Variants in SOX5 observed in about 807,000 individuals in gnomAD.
SOX5 encodes the protein transcription factor SOX-5.
SOX5 carries 9 observed loss-of-function variants against 92.0 expected under a neutral mutation model. The observed-to-expected ratio is 0.10, with a 90% CI of 0.06 to 0.17. The LOEUF (loss-of-function observed/expected upper bound fraction) is 0.17, where lower values mean the gene tolerates loss of function less well. SOX5 is among the 10% of genes least tolerant of loss of function. The pLI is 1.00. For synonymous variants in SOX5, 344 were observed against 336.3 expected (o/e 1.02, Z -0.25); for missense variants, 642 against 944.5 (o/e 0.68, Z 4.20).
chr12:24,356,055 A>G (rs960201820), intron 2 of SOX5, among the ~76,000 whole-genome samples: 4 of 152,348 alleles, frequency 2.6e-5, no homozygotes, highest in Admixed American at 1.3e-4. Context: ...TTTCACATAA[A>G]AGTGGACATT....
intron 4 of SOX5, among the ~76,000 whole-genome samples, chr12:23,748,830 G>GTA (rs2094088100): frequency 6.6e-6 from 1 of 151,852 alleles, no homozygotes; most frequent in African/African-American, 2.4e-5. Flanking sequence ...ATCATTCATT[G>GTA]TATTGCCTTT....
intron 4 of SOX5, among the ~76,000 whole-genome samples, chr12:24,145,536 G>T (rs1440261908): frequency 2.6e-5 from 4 of 152,034 alleles, no homozygotes; most frequent in Admixed American, 2.6e-4. Flanking sequence ...TCACTCTATT[G>T]CCCGGGCTGA....
chr12:23,827,435 A>T (rs1568114440), intron 3 of SOX5, among the ~76,000 whole-genome samples: 1 of 152,242 alleles, frequency 6.6e-6, no homozygotes, highest in Non-Finnish European at 1.5e-5. Context: ...ACCCCTTTGC[A>T]GAACTGTCAA....
At chr12:24,357,809 C>G (rs1257534320) in intron 2 of SOX5, among the ~76,000 whole-genome samples, 1 of 146,518 alleles carries the variant, frequency 6.8e-6, no homozygotes, top group Non-Finnish European at 1.5e-5. Context: ...CGACTGCACT[C>G]CAGCCTGGGT....
Position 23,543,238 on chromosome 12 carries a change from G to T in SOX5, c.1744C>A (p.His582Asn). The change falls in exon 13 of 15, where the codon CAC (histidine) becomes AAC (asparagine). Residue 582 changes from histidine (H) to asparagine (N), a missense_variant. His to Asn is a moderately conservative substitution (Grantham distance 68). This residue lies in a region of SOX5 where 24 missense variants were observed against 84.4 expected (regional missense o/e 0.28). Coordinates refer to ENST00000451604, the MANE Select transcript of SOX5 (RefSeq NM_006940.6). ...AATATCTTGCTGATGTTGGAGTTGT[G>T]CATGTCAGGAAAGGCTTGAAGGATC... ...RKILQAFPDM[H>N]NSNISKILGS... 1 of 1,613,558 alleles carries T rather than the reference G, an allele frequency of 6.2e-7. No homozygotes were observed. The highest frequency in any genetic ancestry group is 8.5e-7 in the Non-Finnish European group (1 of 1,179,660).
intron 4 of SOX5, among the ~76,000 whole-genome samples, chr12:24,097,605 CA>C (rs2137906336): frequency 6.6e-6 from 1 of 151,798 alleles, no homozygotes; most frequent in Non-Finnish European, 1.5e-5. Flanking sequence ...CCATTTGTCC[CA>C]ACATTACTTT....
intron 2 of SOX5, among the ~76,000 whole-genome samples, chr12:24,355,571 T>C (rs1954735088): frequency 6.6e-6 from 1 of 152,156 alleles, no homozygotes; most frequent in African/African-American, 2.4e-5. Context: ...GGGCCCACTG[T>C]GTTTAATATG....
intron 1 of SOX5, among the ~76,000 whole-genome samples, chr12:24,468,701 G>A (rs1442235214): frequency 6.6e-6 from 1 of 151,906 alleles, no homozygotes; most frequent in Non-Finnish European, 1.5e-5. Context: ...ATATGTCTGT[G>A]GTCTCTGATT....
intron 4 of SOX5, among the ~76,000 whole-genome samples, chr12:23,754,442 C>A (rs1188169462): frequency 6.6e-6 from 1 of 151,814 alleles, no homozygotes; most frequent in Non-Finnish European, 1.5e-5. Context: ...TCTCTTCAAG[C>A]TCTTTAAGGC....
At position 24,446,368 on chromosome 12, in the gene SOX5, C is replaced by T. The variant is rs761172153; in HGVS notation, c.-250-77729G>A. 3.9e-5 allele frequency among the ~76,000 whole-genome samples: 6 copies of T among 152,098 alleles called. No individual in the cohort carries two copies. In the South Asian group the frequency reaches 1.0e-3, roughly 26 times the overall value. ...TCAGAAACACCAAGGAAAATTCAGCCATTTGAAGGTAAGAAGGAAGAATAT... is the reference window on the plus strand; with the variant it reads ...TCAGAAACACCAAGGAAAATTCAGCTATTTGAAGGTAAGAAGGAAGAATAT... On this transcript the variant is annotated intron_variant, in intron 1 of 4. Transcript: ENST00000446891.
chr12:24,060,529 C>G (rs1433045922), intron 4 of SOX5, among the ~76,000 whole-genome samples: 1 of 152,158 alleles, frequency 6.6e-6, no homozygotes, highest in Non-Finnish European at 1.5e-5. Flanking sequence ...ATTCTGTTAT[C>G]AGGGAGATCA....
Position 23,937,255 on chromosome 12 carries a change from T to C in SOX5, c.38+12309A>G, listed in dbSNP as rs564125980. ...TACTCTAATGCTAAGGAACAGTCTA[T>C]AATAGCTCTTGCCAACTGGTCTACA... On this transcript the variant is annotated intron_variant, in intron 1 of 14. Transcript: ENST00000451604. Among the ~76,000 whole-genome samples the C allele has an allele frequency of 2.6e-5, 4 of 151,096 alleles. No individual in the cohort carries two copies. The South Asian group carries it at 8.3e-4, about 31-fold the overall frequency.
At chr12:23,538,962 GGCTA>G (rs1328693368) in intron 13 of SOX5, among the ~76,000 whole-genome samples, 6 of 151,420 alleles carry the variant, frequency 4.0e-5, no homozygotes, top group Non-Finnish European at 8.8e-5. Context: ...CACCACGCCC[GGCTA>G]GCTTTTTTTT....
At chr12:23,776,321 G>A (rs2095097683) in intron 3 of SOX5, among the ~76,000 whole-genome samples, 1 of 152,108 alleles carries the variant, frequency 6.6e-6, no homozygotes, top group Admixed American at 6.5e-5. Flanking sequence ...GTAGAATTAT[G>A]ACACAGTTAA....
chr12:23,804,974 T>TTTTA (rs2095742962), intron 3 of SOX5, among the ~76,000 whole-genome samples: 4 of 106,960 alleles, frequency 3.7e-5, no homozygotes, highest in Admixed American at 3.3e-4. Flanking sequence ...TATATTCCTT[T>TTTTA]AAAAAATCTT....
At chr12:23,926,165 C>A (rs978588873) in intron 1 of SOX5, among the ~76,000 whole-genome samples, 1 of 152,048 alleles carries the variant, frequency 6.6e-6, no homozygotes, top group Non-Finnish European at 1.5e-5. Flanking sequence ...TAGATGTACT[C>A]CTCACATTTT....
intron 2 of SOX5, among the ~76,000 whole-genome samples, chr12:24,357,772 C>T (rs544954800): frequency 1.3e-4 from 19 of 146,752 alleles, no homozygotes; most frequent in Admixed American, 5.0e-4. Flanking sequence ...ACCTGGGAGG[C>T]GGAGGTTGCA....
At chr12:23,560,359 C>T (rs1265534976) in intron 11 of SOX5, among the ~76,000 whole-genome samples, 1 of 151,974 alleles carries the variant, frequency 6.6e-6, no homozygotes, top group African/African-American at 2.4e-5. Context: ...ATTACTAATC[C>T]ACATATTTAT....
At chr12:24,407,753 G>A (rs757887592) in intron 1 of SOX5, among the ~76,000 whole-genome samples, 12 of 152,086 alleles carry the variant, frequency 7.9e-5, no homozygotes, top group Non-Finnish European at 1.2e-4. Context: ...AGACAGATAC[G>A]GAGTGATCAG....
Sources: gnomAD v4.1 joint callset for allele counts (sites outside exome capture counted in the v4.1 genomes callset) on GRCh38, gnomAD v4.1.1 for gene constraint, gnomAD v4.1.1 regional missense constraint, MANE v1.5 for transcripts, NCBI Gene and HGNC (gene_info 2026-07-23, HGNC 2026-07-21) for gene names.